PTPN12: variants seen among roughly 807,000 people sequenced by gnomAD.
PTPN12 encodes tyrosine-protein phosphatase non-receptor type 12.
PTPN12 carries 29 observed loss-of-function variants against 97.6 expected under a neutral mutation model. That is an observed-to-expected ratio of 0.30 (90% CI 0.22 to 0.41). PTPN12 has a LOEUF of 0.41. Ranked by LOEUF, PTPN12 falls within the 10% of genes least tolerant of loss-of-function variation. The probability of loss-of-function intolerance (pLI) is 1.00; values close to 1 mark genes in which losing one functional copy is unlikely to be tolerated. For missense variants in PTPN12, 819 were observed against 926.0 expected, an observed-to-expected ratio of 0.88 and a Z score of 1.50; for synonymous variants, 327 against 300.4, an observed-to-expected ratio of 1.09 and a Z score of -0.91.
chr7:77,617,734 A>C (rs995644745), intron 11 of PTPN12, among the ~76,000 whole-genome samples: 11 of 152,204 alleles, frequency 7.2e-5, no homozygotes, highest in African/African-American at 9.6e-5. Flanking sequence ...ATATGTTGAC[A>C]GTGAAACTAA....
At chr7:77,609,735 G>T (rs1209637511) in intron 9 of PTPN12, among the ~76,000 whole-genome samples, 1 of 151,308 alleles carries the variant, frequency 6.6e-6, no homozygotes, top group African/African-American at 2.4e-5. Flanking sequence ...AAAAAAAATC[G>T]CCAGGCGTAG....
chr7:77,624,915 A>G (rs1789080155), intron 12 of PTPN12, among the ~76,000 whole-genome samples: 1 of 151,610 alleles, frequency 6.6e-6, no homozygotes, highest in Non-Finnish European at 1.5e-5. Flanking sequence ...CAGGCAAATC[A>G]CTTGAGGCCA....
chr7:77,563,430 T>C (rs1808084999), intron 1 of PTPN12, among the ~76,000 whole-genome samples: 1 of 152,204 alleles, frequency 6.6e-6, no homozygotes. Flanking sequence ...CTGGGATATG[T>C]TCTAGATAAG....
chr7:77,631,889 G>C (rs1207728705), intron 13 of PTPN12, among the ~76,000 whole-genome samples: 2 of 152,160 alleles, frequency 1.3e-5, no homozygotes, highest in Admixed American at 1.3e-4. Flanking sequence ...AAATGAGTCA[G>C]ATTTTAAAAG....
chr7:77,596,755 AT>A (rs1482176625), intron 6 of PTPN12, among the ~76,000 whole-genome samples: 6 of 152,272 alleles, frequency 3.9e-5, no homozygotes, highest in Non-Finnish European at 8.8e-5. Flanking sequence ...TTACAGCAAA[AT>A]TGAGAGGAAG....
At chr7:77,547,498 A>C (rs1484728019) in intron 1 of PTPN12, among the ~76,000 whole-genome samples, 1 of 152,192 alleles carries the variant, frequency 6.6e-6, no homozygotes, top group Non-Finnish European at 1.5e-5. Flanking sequence ...TTTAGGAGCT[A>C]TACAGTCATT....
intron 8 of PTPN12, among the ~76,000 whole-genome samples, chr7:77,606,071 C>T (rs1218313686): frequency 2.0e-5 from 3 of 149,646 alleles, no homozygotes; most frequent in Admixed American, 1.4e-4. Context: ...TCTCCTGCCT[C>T]AGCCTCCTGA....
At chr7:77,606,909 G>C (rs1048056890) in intron 8 of PTPN12, 3 of 183,554 alleles carry the variant, frequency 1.6e-5, no homozygotes, top group African/African-American at 7.2e-5. Flanking sequence ...CAACAGTAGT[G>C]AGGTAGTGAC....
chr7:77,599,173 T>TG (rs1788115432), intron 7 of PTPN12, among the ~76,000 whole-genome samples: 1 of 152,076 alleles, frequency 6.6e-6, no homozygotes. Flanking sequence ...TTTATTCTAT[T>TG]GCAGTAAGCA....
chr7:77,538,579 A>G (rs945222947), intron 1 of PTPN12, among the ~76,000 whole-genome samples: 1 of 150,666 alleles, frequency 6.6e-6, no homozygotes, highest in African/African-American at 2.4e-5. Flanking sequence ...CTGCTTGTGC[A>G]GGCAGTCTTG....
intron 11 of PTPN12, among the ~76,000 whole-genome samples, chr7:77,616,923 C>T (rs1788771835): frequency 6.6e-6 from 1 of 152,088 alleles, no homozygotes; most frequent in South Asian, 2.1e-4. Context: ...ACTGGAATTA[C>T]AGACGTGCAC....
chr7:77,625,819 C>G (rs562960308), intron 12 of PTPN12, among the ~76,000 whole-genome samples: 2 of 151,980 alleles, frequency 1.3e-5, no homozygotes, highest in East Asian at 3.9e-4. Context: ...ATCCACCCAC[C>G]TTGGCCTCCC....
intron 2 of PTPN12, among the ~76,000 whole-genome samples, chr7:77,576,288 ACT>A (rs755679377): frequency 3.7e-4 from 56 of 152,140 alleles, no homozygotes; most frequent in Non-Finnish European, 6.5e-4. Context: ...ATGTCATACA[ACT>A]CTCTGTGTGG....
At chr7:77,598,177 C>T (rs1373308370) in intron 7 of PTPN12, among the ~76,000 whole-genome samples, 1 of 152,082 alleles carries the variant, frequency 6.6e-6, no homozygotes, top group Non-Finnish European at 1.5e-5. Context: ...CCACTGCACT[C>T]CAGCCTGGGC....
At chr7:77,590,346 A>C (rs752770679) in intron 5 of PTPN12, among the ~76,000 whole-genome samples, 1 of 152,156 alleles carries the variant, frequency 6.6e-6, no homozygotes, top group African/African-American at 2.4e-5. Flanking sequence ...CTTGTTTTCT[A>C]TCTGTTTCAA....
chr7:77,595,930 A>G (rs1788008351), intron 6 of PTPN12, among the ~76,000 whole-genome samples: 1 of 152,202 alleles, frequency 6.6e-6, no homozygotes, highest in Non-Finnish European at 1.5e-5. Context: ...TGGTTATGTT[A>G]TCAACAACCA....
chr7:77,600,326 G>T (rs1470461606), intron 7 of PTPN12, among the ~76,000 whole-genome samples: 2 of 152,168 alleles, frequency 1.3e-5, no homozygotes, highest in Non-Finnish European at 2.9e-5. Context: ...TATGTTTACA[G>T]TACATGCTCT....
At chr7:77,593,067 G>A (rs879369161) in intron 6 of PTPN12, among the ~76,000 whole-genome samples, 9 of 151,980 alleles carry the variant, frequency 5.9e-5, no homozygotes, top group Admixed American at 3.9e-4. Flanking sequence ...TCAGGAGTTC[G>A]AGACCAGCCT....
At chr7:77,598,004 G>T in intron 7 of PTPN12, 103 bp downstream of exon 7, 1 of 1,440,672 alleles carries the variant, frequency 6.9e-7, no homozygotes, top group Non-Finnish European at 9.2e-7. Flanking sequence ...GAAGTGGGAG[G>T]GTGACTTGAG....
Sources: gnomAD v4.1 joint callset for allele counts (sites outside exome capture counted in the v4.1 genomes callset) on GRCh38, gnomAD v4.1.1 for gene constraint, MANE v1.5 for transcripts, NCBI Gene and HGNC (gene_info 2026-07-23, HGNC 2026-07-21) for gene names.